The following CACNA2D3 variants were observed in gnomAD, a reference collection of about 807,000 sequenced individuals.
CACNA2D3 encodes the protein voltage-dependent calcium channel subunit alpha-2/delta-3.
A neutral mutation model predicts 160.6 loss-of-function variants in CACNA2D3; 60 were observed. The ratio of observed to expected loss-of-function variants is 0.37; its 90% confidence interval spans 0.30 to 0.46. The LOEUF (loss-of-function observed/expected upper bound fraction) is 0.46. Among genes scored for constraint, CACNA2D3 ranks in the 20% least tolerant of loss-of-function variants. CACNA2D3 has a pLI of 1.00. For missense variants in CACNA2D3, 1,205 were observed against 1,365.0 expected, an observed-to-expected ratio of 0.88 and a Z score of 1.85; for synonymous variants, 558 against 492.9, an observed-to-expected ratio of 1.13 and a Z score of -1.75.
At chr3:54,281,177 G>C (rs893608638) in intron 2 of CACNA2D3, among the ~76,000 whole-genome samples, 3 of 152,170 alleles carry the variant, frequency 2.0e-5, no homozygotes, top group African/African-American at 4.8e-5. Context: ...GTGTCCACAG[G>C]TGATTCACTC....
intron 4 of CACNA2D3, among the ~76,000 whole-genome samples, chr3:54,488,115 A>G (rs987833474): frequency 2.0e-5 from 3 of 152,236 alleles, no homozygotes; most frequent in Admixed American, 2.0e-4. Flanking sequence ...AGCTTTGTCT[A>G]TTTGAAGATC....
rs1700248094 is a variant in CACNA2D3, at chr3:54,898,354, C to A, written c.2369-1434C>A. Among the ~76,000 whole-genome samples the A allele has an allele frequency of 3.3e-5, 5 of 151,668 alleles. No homozygotes were observed. The South Asian group carries it at 1.0e-3, about 32-fold the overall frequency. ...TCTCCTGCCTCAGCCTCCTCAGTAG[C>A]TGGGATTACAGGCACCCGCCACCAT... On this transcript the variant is annotated intron_variant, in intron 26 of 37. Coordinates refer to ENST00000474759, the MANE Select transcript of CACNA2D3 (RefSeq NM_018398.3).
chr3:54,691,100 G>A (rs1700562220), intron 11 of CACNA2D3, among the ~76,000 whole-genome samples: 1 of 152,140 alleles, frequency 6.6e-6, no homozygotes, highest in African/African-American at 2.4e-5. Flanking sequence ...TAATGGGGTT[G>A]GGCTTTGTCA....
intron 3 of CACNA2D3, among the ~76,000 whole-genome samples, chr3:54,338,444 A>G (rs564264798): frequency 7.0e-6 from 1 of 142,496 alleles, no homozygotes; most frequent in South Asian, 2.3e-4. Flanking sequence ...TCTTCTTTTT[A>G]TAGCTCTCTT....
chr3:55,045,670 T>A (rs1174316247), intron 35 of CACNA2D3, among the ~76,000 whole-genome samples: 1 of 152,222 alleles, frequency 6.6e-6, no homozygotes, highest in Non-Finnish European at 1.5e-5. Context: ...TTATTGAATT[T>A]ATGAGCATTG....
intron 17 of CACNA2D3, among the ~76,000 whole-genome samples, chr3:54,861,946 G>T (rs1699299847): frequency 6.6e-6 from 1 of 152,168 alleles, no homozygotes; most frequent in Non-Finnish European, 1.5e-5. Context: ...ATTCAGACCA[G>T]CATGCATCCA....
At chr3:54,184,957 G>A (rs145225418) in intron 2 of CACNA2D3, among the ~76,000 whole-genome samples, 5 of 152,286 alleles carry the variant, frequency 3.3e-5, no homozygotes, top group Non-Finnish European at 5.9e-5. Flanking sequence ...AAGCCCTTAC[G>A]GGAGGATTCA....
chr3:54,941,865 C>T (rs983938127), intron 27 of CACNA2D3, among the ~76,000 whole-genome samples: 3 of 152,180 alleles, frequency 2.0e-5, no homozygotes, highest in Non-Finnish European at 4.4e-5. Flanking sequence ...AGTTCTGCAG[C>T]TCTGTTTGCA....
chr3:54,877,995 A>T (rs1171542563), intron 18 of CACNA2D3, among the ~76,000 whole-genome samples: 1 of 152,236 alleles, frequency 6.6e-6, no homozygotes, highest in East Asian at 1.9e-4. Context: ...TTGTTAAAAA[A>T]ATATCTAGAG....
intron 11 of CACNA2D3, among the ~76,000 whole-genome samples, chr3:54,728,792 T>C (rs942926459): frequency 1.3e-5 from 2 of 152,248 alleles, no homozygotes; most frequent in Non-Finnish European, 2.9e-5. Flanking sequence ...AGCTGAAAGC[T>C]TGTAGTTTCT....
intron 2 of CACNA2D3, among the ~76,000 whole-genome samples, chr3:54,258,840 C>G (rs575000771): frequency 6.6e-6 from 1 of 152,256 alleles, no homozygotes; most frequent in South Asian, 2.1e-4. Flanking sequence ...GATAGCAAAA[C>G]TCAGAGAAGT....
chr3:54,424,943 G>T (rs899257901), intron 4 of CACNA2D3, among the ~76,000 whole-genome samples: 6 of 152,196 alleles, frequency 3.9e-5, no homozygotes, highest in African/African-American at 1.4e-4. Flanking sequence ...TCACAGAGCT[G>T]GACGTGGGGG....
In CACNA2D3 at chr3:55,055,516, G is replaced by A. The variant is rs138409339; in HGVS notation, c.2988-17929G>A. 1.4e-3 allele frequency among the ~76,000 whole-genome samples: 219 copies of A among 152,062 alleles called. 1 individual carries two copies. Among genetic ancestry groups the A allele is most frequent in the Middle Eastern group, 0.014 (4 of 294 alleles). ...GCTTCACTGATTTTTACTTATGATG[G>A]CCTTGGCTGTTAGGGACTTGTGGTG... On this transcript the variant is annotated intron_variant, in intron 35 of 37. Transcript: ENST00000474759.
intron 5 of CACNA2D3, among the ~76,000 whole-genome samples, chr3:54,535,846 A>G (rs1012227617): frequency 6.6e-6 from 1 of 152,218 alleles, no homozygotes; most frequent in African/African-American, 2.4e-5. Flanking sequence ...ATTATGTCTG[A>G]TGTGACTAGA....
intron 13 of CACNA2D3, among the ~76,000 whole-genome samples, chr3:54,785,491 G>A (rs1216815027): frequency 1.3e-5 from 2 of 152,140 alleles, no homozygotes; most frequent in East Asian, 3.9e-4. Flanking sequence ...CCTCCAAAAT[G>A]TTAAGAACTA....
intron 5 of CACNA2D3, among the ~76,000 whole-genome samples, chr3:54,509,278 C>T (rs573232237): frequency 1.8e-4 from 15 of 83,866 alleles, no homozygotes; most frequent in South Asian, 6.8e-4. Flanking sequence ...TTTCCCTTCA[C>T]GTGTGTGTGT....
intron 2 of CACNA2D3, among the ~76,000 whole-genome samples, chr3:54,248,465 G>A (rs1200930922): frequency 3.2e-5 from 4 of 124,848 alleles, no homozygotes; most frequent in South Asian, 2.5e-4. Context: ...CGGGCAACAA[G>A]AGAGAAACTC....
intron 5 of CACNA2D3, among the ~76,000 whole-genome samples, chr3:54,531,950 A>G (rs1288232478): frequency 6.6e-6 from 1 of 151,980 alleles, no homozygotes; most frequent in Non-Finnish European, 1.5e-5. Flanking sequence ...TTTTCATTTC[A>G]CCCTTGGCTT....
intron 17 of CACNA2D3, among the ~76,000 whole-genome samples, chr3:54,863,793 A>C (rs192855582): frequency 7.9e-4 from 121 of 152,304 alleles, no homozygotes; most frequent in African/African-American, 2.9e-3. Flanking sequence ...CTAAGAGAGC[A>C]CATACAACTT....
Sources: gnomAD v4.1 joint callset for allele counts (sites outside exome capture counted in the v4.1 genomes callset) on GRCh38, gnomAD v4.1.1 for gene constraint, MANE v1.5 for transcripts, NCBI Gene and HGNC (gene_info 2026-07-23, HGNC 2026-07-21) for gene names.